Variants in KANK1 observed in about 807,000 individuals in gnomAD.
The protein encoded by KANK1 is KN motif and ankyrin repeat domains 1, also known as KN motif and ankyrin repeat domain-containing protein 1.
In KANK1, 109 loss-of-function variants were observed where a neutral mutation model predicts 106.2. The ratio of observed to expected loss-of-function variants is 1.03; its 90% CI spans 0.88 to 1.20. The LOEUF is 1.20. KANK1 is among the 50% of genes most tolerant of loss of function. KANK1 has a pLI of 0.00. For missense variants in KANK1, 2,399 were observed against 1,710.7 expected (o/e 1.40, Z -7.10); for synonymous variants, 873 against 652.2 (o/e 1.34, Z -5.16).
rs1826394070 is a variant in KANK1, at chr9:712,391, T to C, written c.1625T>C (p.Val542Ala). The change falls in exon 3 of 12, where the codon GTG (valine) becomes GCG (alanine). Residue 542 changes from valine to alanine, a missense_variant. Physicochemically the swap from Val to Ala is moderately conservative, Grantham distance 64 (BLOSUM62 0). Transcript: ENST00000382297. ...DLVDTCVGTS[V>A]ETNSVGISCQ... ...GTGGACACGTGTGTTGGGACCTCCG[T>C]GGAAACAAACAGTGTAGGCATCTCC... The C allele has an allele frequency of 5.0e-6, 8 of 1,614,088 alleles. No individual in the cohort carries two copies. Among genetic ancestry groups the C allele is most frequent in the Non-Finnish European group, 6.8e-6 (8 of 1,180,018 alleles).
intron 2 of KANK1, chr9:686,935 A>T (rs1405126508): frequency 3.0e-6 from 3 of 985,124 alleles, no homozygotes; most frequent in Non-Finnish European, 3.6e-6. Flanking sequence ...AAGGGGGCTT[A>T]GGGCTGGGGG....
chr9:710,637 AAAC>A lies in KANK1; in HGVS notation c.38-164_38-162del, dbSNP rs1564031105. Among the ~76,000 whole-genome samples, 1,358 of 114,206 alleles carry A rather than the reference AAAC, an allele frequency of 0.012. 183 individuals carry two copies. The highest frequency in any genetic ancestry group is 0.079 in the African/African-American group (1,185 of 15,022). 74.9% of individuals were successfully genotyped at this position (114,206 alleles called of 152,430 possible). On this transcript the variant is annotated intron_variant, in intron 2 of 11. Coordinates refer to ENST00000382297, the MANE Select transcript of KANK1 (RefSeq NM_015158.5). ...TCTCAAAAAAAAAAAAAACAAAAAA[AAAC>A]AAAAAAAACTTGCTTACCCAGCTGT...
At chr9:675,242 T>C (rs567274088) in intron 1 of KANK1, among the ~76,000 whole-genome samples, 15 of 152,360 alleles carry the variant, frequency 9.8e-5, no homozygotes, top group African/African-American at 2.2e-4. Context: ...TAAAAACTTA[T>C]ATGATTTCAA....
At chr9:632,242 C>A (rs568495057) in intron 1 of KANK1, among the ~76,000 whole-genome samples, 1 of 151,926 alleles carries the variant, frequency 6.6e-6, no homozygotes, top group Non-Finnish European at 1.5e-5. Flanking sequence ...ATTTTCTTGG[C>A]CAAAAATATT....
chr9:573,311 C>A (rs1049633780), intron 1 of KANK1, among the ~76,000 whole-genome samples: 1 of 151,966 alleles, frequency 6.6e-6, no homozygotes, highest in Non-Finnish European at 1.5e-5. Context: ...GCTCTGTCAC[C>A]CAGGCTGGAG....
intron 2 of KANK1, among the ~76,000 whole-genome samples, chr9:705,852 C>T (rs1361976749): frequency 1.3e-5 from 2 of 151,942 alleles, no homozygotes; most frequent in Non-Finnish European, 2.9e-5. Context: ...CCACCCTCCT[C>T]GGTCTCCCAA....
chr9:737,316 C>G (rs1834053400), intron 7 of KANK1, among the ~76,000 whole-genome samples: 1 of 152,190 alleles, frequency 6.6e-6, no homozygotes, highest in Non-Finnish European at 1.5e-5. Flanking sequence ...GATGGAAGCT[C>G]TATAATCCCA....
At chr9:489,597 C>T (rs116447658) in intron 3 of KANK1, among the ~76,000 whole-genome samples, 2,391 of 152,234 alleles carry the variant, frequency 0.016, 44 homozygotes, top group African/African-American at 0.054. Context: ...TGAGTCTCTG[C>T]CCTGATCTTA....
intron 2 of KANK1, among the ~76,000 whole-genome samples, 160 bp downstream of exon 2, chr9:677,169 T>G (rs1816579144): frequency 6.6e-6 from 1 of 152,268 alleles, no homozygotes; most frequent in Admixed American, 6.5e-5. Flanking sequence ...TTTGTTTTAC[T>G]CTCAGAAAAT....
chr9:576,362 A>G (rs180744780), intron 1 of KANK1, among the ~76,000 whole-genome samples: 49 of 152,264 alleles, frequency 3.2e-4, no homozygotes, highest in Admixed American at 8.5e-4. Context: ...AGCATAGACA[A>G]CCTTACTGGC....
rs143730424 is a variant in KANK1, at chr9:697,336, G to A, written c.38-13468G>A. 4.4e-3 allele frequency among the ~76,000 whole-genome samples: 677 copies of A among 152,188 alleles called. 12 individuals carry two copies. The highest frequency in any genetic ancestry group is 3.2e-3 in the Non-Finnish European group (221 of 68,010). Reference sequence around the variant, plus strand: ...ATGTCAACTTTGATCACCTGGTCGAGGTGGTTATTTGTCAGCTTTCTCATC... The same window carrying A: ...ATGTCAACTTTGATCACCTGGTCGAAGTGGTTATTTGTCAGCTTTCTCATC... On this transcript the variant is annotated intron_variant, in intron 2 of 11. Transcript: ENST00000382297.
At chr9:676,025 A>G (rs936154985) in intron 1 of KANK1, among the ~76,000 whole-genome samples, 3 of 152,142 alleles carry the variant, frequency 2.0e-5, no homozygotes, top group Admixed American at 6.6e-5. Flanking sequence ...ATGCTAATGC[A>G]TTATAATTAG....
At chr9:529,489 G>A (rs907000598) in intron 1 of KANK1, among the ~76,000 whole-genome samples, 26 of 106,392 alleles carry the variant, frequency 2.4e-4, no homozygotes, top group East Asian at 2.9e-4. Context: ...GTGAGCCACC[G>A]CGCCCGGCCT....
intron 1 of KANK1, among the ~76,000 whole-genome samples, chr9:605,918 G>A (rs998335645): frequency 6.6e-6 from 1 of 151,714 alleles, no homozygotes; most frequent in African/African-American, 2.4e-5. Flanking sequence ...TTGAGGGGAA[G>A]GCCGGGTCTG....
At chr9:687,742 A>G (rs1026293447) in intron 2 of KANK1, among the ~76,000 whole-genome samples, 6 of 152,140 alleles carry the variant, frequency 3.9e-5, no homozygotes, top group African/African-American at 4.8e-5. Flanking sequence ...GATACTCCCA[A>G]TGGGAGTTCC....
intron 1 of KANK1, chr9:558,938 A>G (rs1815629631): frequency 6.6e-6 from 1 of 152,220 alleles, no homozygotes. Flanking sequence ...AAAAAAAGAA[A>G]AAAAAATTTT....
chr9:539,276 G>A (rs972173912), intron 1 of KANK1, among the ~76,000 whole-genome samples: 1 of 152,008 alleles, frequency 6.6e-6, no homozygotes, highest in African/African-American at 2.4e-5. Flanking sequence ...ATTTTTTTCC[G>A]CTGTAAAAAA....
At chr9:700,165 G>A (rs1822296310) in intron 2 of KANK1, among the ~76,000 whole-genome samples, 1 of 152,186 alleles carries the variant, frequency 6.6e-6, no homozygotes, top group African/African-American at 2.4e-5. Context: ...ATCTGGGAGG[G>A]AAAAGAGCAG....
intron 3 of KANK1, among the ~76,000 whole-genome samples, chr9:713,722 G>C (rs543963941): frequency 2.0e-5 from 3 of 152,200 alleles, no homozygotes; most frequent in Non-Finnish European, 4.4e-5. Context: ...GGCTGGCCTA[G>C]AGGTTGTCTT....
Sources: allele counts gnomAD v4.1 joint callset (sites outside exome capture counted in the v4.1 genomes callset), GRCh38; gene constraint gnomAD v4.1.1; transcripts MANE v1.5; gene names NCBI Gene and HGNC (gene_info 2026-07-23, HGNC 2026-07-21).